MRO: variants seen among roughly 807,000 people sequenced by gnomAD.
The protein encoded by MRO is maestro.
A neutral mutation model predicts 31.0 loss-of-function variants in MRO; 28 were observed. The observed-to-expected ratio is 0.90, with a 90% CI of 0.67 to 1.24. The LOEUF (loss-of-function observed/expected upper bound fraction) is 1.24. Ranked by LOEUF, MRO falls within the 50% of genes most tolerant of loss-of-function variation. The pLI, the probability that MRO is intolerant of heterozygous loss-of-function variation, is 0.00. For synonymous variants in MRO, 108 were observed against 108.4 expected, an observed-to-expected ratio of 1.00 and a Z score of 0.02; for missense variants, 332 against 289.2, an observed-to-expected ratio of 1.15 and a Z score of -1.07.
intron 2 of MRO, among the ~76,000 whole-genome samples, chr18:50,810,763 G>T (rs1198006194): frequency 6.6e-6 from 1 of 152,208 alleles, no homozygotes; most frequent in African/African-American, 2.4e-5. Flanking sequence ...TCTGCAGCGG[G>T]AACTCGAGAT....
At chr18:50,801,563 A>T in intron 5 of MRO, 59 bp from the exon 6 acceptor site, 1 of 1,470,876 alleles carries the variant, frequency 6.8e-7, no homozygotes, top group South Asian at 1.3e-5. Flanking sequence ...AGGCAACTGC[A>T]TCTGAACACA....
At chr18:50,809,705 G>A (rs1015651174) in intron 2 of MRO, among the ~76,000 whole-genome samples, 10 of 152,188 alleles carry the variant, frequency 6.6e-5, no homozygotes, top group Non-Finnish European at 1.5e-4. Flanking sequence ...CCCAGGCTCT[G>A]CCCACAGAGT....
At position 50,805,299 on chromosome 18, in the gene MRO, A is replaced by G. The variant is rs770693923; in HGVS notation, c.284T>C (p.Val95Ala). The change falls in exon 5 of 8, where the codon GTG (valine) becomes GCG (alanine). Residue 95 changes from valine to alanine, a missense_variant. Physicochemically the swap from Val to Ala is moderately conservative, Grantham distance 64. Coordinates refer to ENST00000398439, the MANE Select transcript of MRO (RefSeq NM_031939.6). ...KYKKIVLDLL[V>A]YGLYDPVNLE... ...ATTCACAGGGTCATACAGTCCATAC[A>G]CCAGCAGGTCGAGGACAATTTTCTT... is the stretch of plus-strand genomic sequence containing the variant. 2 of 1,613,920 alleles carry G rather than the reference A, an allele frequency of 1.2e-6. No individual in the cohort carries two copies. Among genetic ancestry groups the G allele is most frequent in the Non-Finnish European group, 1.7e-6 (2 of 1,179,970 alleles).
chr18:50,800,886 A>C (rs1011713710), intron 6 of MRO, among the ~76,000 whole-genome samples: 1 of 49,344 alleles, frequency 2.0e-5, no homozygotes, highest in African/African-American at 4.6e-5. Flanking sequence ...AACTGTCTCA[A>C]AAAAAAAAAA....
At chr18:50,824,301 C>G (rs1599053199), upstream of MRO, among the ~76,000 whole-genome samples, 3 of 152,088 alleles carry the variant, frequency 2.0e-5, no homozygotes, top group Middle Eastern at 3.4e-3. Context: ...ATTACCCAGG[C>G]AAGGTGGCAT....
rs753122647 is a variant in MRO, at chr18:50,799,381, G to A, written c.703C>T (p.His235Tyr). 2 of 1,614,006 alleles carry A rather than the reference G, an allele frequency of 1.2e-6. No individual in the cohort carries two copies. The highest frequency in any genetic ancestry group is 2.2e-5 in the East Asian group (1 of 44,870). ...TAGAAGAACTGCAGGATCTCTGGATGATAGTGGCTCTGAAAGAAATTAGCA... is the reference window on the plus strand; with the variant it reads ...TAGAAGAACTGCAGGATCTCTGGATAATAGTGGCTCTGAAAGAAATTAGCA... ...TKLYQQLSHYHPEILQFFYAN... is the reference protein window; with the variant it reads ...TKLYQQLSHYYPEILQFFYAN... The change falls in exon 8 of 8, where the codon CAT (histidine) becomes TAT (tyrosine). Residue 235 changes from histidine (H) to tyrosine (Y), a missense_variant. Coordinates refer to ENST00000398439, the MANE Select transcript of MRO (RefSeq NM_031939.6).
At chr18:50,799,961 C>T in intron 7 of MRO, 75 bp downstream of exon 7, 1 of 1,014,840 alleles carries the variant, frequency 9.9e-7, no homozygotes, top group Non-Finnish European at 1.5e-6. Flanking sequence ...CTTTCTTGTG[C>T]TTGGCCACCT....
rs61728184 is a variant in MRO, at chr18:50,809,144, C to CAAAAAAAAAAAAAAAAAAAAAAAAAAAAA, written c.99+129_99+157dup. On this transcript the variant is annotated intron_variant, in intron 3 of 7. Coordinates refer to ENST00000398439, the MANE Select transcript of MRO (RefSeq NM_031939.6). ...TGGGCGACAGAGCGAGACTCCGTCT[C>CAAAAAAAAAAAAAAAAAAAAAAAAAAAAA]AAAAAAAAAAAAAAAAAAAAAAAAA... Among the ~76,000 whole-genome samples, 2 of 99,098 alleles carry CAAAAAAAAAAAAAAAAAAAAAAAAAAAAA rather than the reference C, an allele frequency of 2.0e-5. 1 individual carries two copies. The highest frequency in any genetic ancestry group is 3.8e-5 in the Non-Finnish European group (2 of 52,074). The allele number at this position is 99,098 out of a possible 152,430, so 65.0% of individuals were successfully genotyped here. A position where few individuals can be genotyped will look rare whatever the true frequency, so the allele number is the denominator to read the frequency against.
chr18:50,799,425 G>A (rs888838814), intron 7 of MRO, 35 bp from the exon 8 acceptor site: 3 of 1,587,902 alleles, frequency 1.9e-6, no homozygotes, highest in African/African-American at 1.3e-5. Context: ...CGTGAGGGCA[G>A]GATTCAACAA....
intron 6 of MRO, among the ~76,000 whole-genome samples, chr18:50,800,987 G>T (rs1326145862): frequency 1.3e-5 from 2 of 152,050 alleles, no homozygotes; most frequent in African/African-American, 2.4e-5. Flanking sequence ...AGAAGCCATG[G>T]GTGGAAATCT....
At position 50,796,228 on chromosome 18, in the gene MRO, C is replaced by T. The variant is rs1912779893; in HGVS notation, c.*3109G>A. ...GGTTATAAGGAATGAAATTGGTGAC[C>T]CTCATTTGTCAAAATGGGCTCCTCC... On this transcript the variant is annotated 3_prime_UTR_variant, in exon 8 of 8. Coordinates refer to ENST00000398439, the MANE Select transcript of MRO (RefSeq NM_031939.6). 6.6e-6 allele frequency: 1 copy of T among 151,808 alleles called. No individual in the cohort carries two copies. Among genetic ancestry groups the T allele is most frequent in the African/African-American group, 2.4e-5 (1 of 41,310 alleles). The allele number at this position is 151,808 out of a possible 1,614,324, so 9.4% of individuals were successfully genotyped here.
intron 7 of MRO, among the ~76,000 whole-genome samples, 163 bp from the exon 8 acceptor site, chr18:50,799,553 C>T (rs1913090800): frequency 1.3e-5 from 2 of 152,150 alleles, no homozygotes; most frequent in African/African-American, 2.4e-5. Flanking sequence ...GCCGATATAT[C>T]TCGTGCTTGA....
Position 50,800,043 on chromosome 18 carries a change from TG to T in MRO, c.685del (p.Gln229SerfsTer3). 1 of 1,611,612 alleles carries T rather than the reference TG, an allele frequency of 6.2e-7. No homozygotes were observed. Among genetic ancestry groups the T allele is most frequent in the Non-Finnish European group, 8.5e-7 (1 of 1,177,912 alleles). On this transcript the variant is annotated frameshift_variant, in exon 7 of 8. Transcript: ENST00000398439. LOFTEE classifies it high-confidence loss of function. ...CTACCCTGGCTCACTCACCAGCTGC[TG>T]GTAGAGCTTAGTGTTCCTTTGATCT... ...EEDQRNTKLYQQLSHYHPEIL... is the reference protein window; with the variant it reads ...EEDQRNTKLYXQLSHYHPEIL...
chr18:50,796,117 C>T lies in MRO; in HGVS notation c.*3220G>A, dbSNP rs1189235772. ...ATTAATGTTCAAAATTAAGAAATGT[C>T]AAAACATTACCTTTGGGTTGGCATT... is the stretch of plus-strand genomic sequence containing the variant. On this transcript the variant is annotated 3_prime_UTR_variant, in exon 8 of 8. Coordinates refer to ENST00000398439, the MANE Select transcript of MRO (RefSeq NM_031939.6). 1 of 152,010 alleles carries T rather than the reference C, an allele frequency of 6.6e-6. No individual in the cohort carries two copies. Among genetic ancestry groups the T allele is most frequent in the Non-Finnish European group, 1.5e-5 (1 of 68,024 alleles). 9.4% of individuals were successfully genotyped at this position (152,010 alleles called of 1,614,324 possible). A position where few individuals can be genotyped will look rare whatever the true frequency, so the allele number is the denominator to read the frequency against.
intron 2 of MRO, among the ~76,000 whole-genome samples, chr18:50,816,882 T>G (rs1914969162): frequency 1.3e-5 from 2 of 152,104 alleles, no homozygotes; most frequent in South Asian, 4.1e-4. Context: ...TTCCAAGGCA[T>G]AAGAAAATCA....
chr18:50,815,644 G>A (rs1914853513), intron 2 of MRO: 1 of 351,586 alleles, frequency 2.8e-6, no homozygotes. Context: ...ATGAAAGGGG[G>A]CAGTTTTGGT....
chr18:50,820,417 T>C (rs1915260535), upstream of MRO, among the ~76,000 whole-genome samples: 1 of 152,200 alleles, frequency 6.6e-6, no homozygotes, highest in Admixed American at 6.5e-5. Flanking sequence ...CAGCCCTCCT[T>C]CCCTGACTCT....
chr18:50,815,472 G>A (rs1914831077), intron 2 of MRO: 1 of 292,800 alleles, frequency 3.4e-6, no homozygotes, highest in South Asian at 3.8e-5. Flanking sequence ...CGTAATAGTA[G>A]AGGGGGCCGT....
In MRO at chr18:50,805,226, G is replaced by A; in HGVS notation, c.357C>T (p.Gly119=). 3.7e-6 allele frequency: 6 copies of A among 1,614,010 alleles called. No individual in the cohort carries two copies. Among genetic ancestry groups the A allele is most frequent in the Non-Finnish European group, 5.1e-6 (6 of 1,179,914 alleles). The part of the protein sequence containing the change: ...ESMKTLTVVL[G]KIQGKGLGSF... Reference sequence around the variant, plus strand: ...AACCCAAACCTTTCCCCTGGATCTTGCCCAGAACGACGGTCAGAGTCTTCA... The same window carrying A: ...AACCCAAACCTTTCCCCTGGATCTTACCCAGAACGACGGTCAGAGTCTTCA... The change falls in exon 5 of 8, where the codon GGC becomes GGT. Residue 119 remains glycine, a synonymous_variant. Coordinates refer to ENST00000398439, the MANE Select transcript of MRO (RefSeq NM_031939.6).
Sources: allele counts gnomAD v4.1 joint callset (sites outside exome capture counted in the v4.1 genomes callset), GRCh38; gene constraint gnomAD v4.1.1; transcripts MANE v1.5; gene names NCBI Gene and HGNC (gene_info 2026-07-23, HGNC 2026-07-21).